The following KAZN variants were observed in gnomAD, a reference collection of about 807,000 sequenced individuals.
KAZN encodes kazrin, periplakin interacting protein.
A neutral mutation model predicts 87.4 loss-of-function variants in KAZN; 40 were observed. The ratio of observed to expected loss-of-function variants is 0.46; its 90% CI spans 0.36 to 0.60. The LOEUF (loss-of-function observed/expected upper bound fraction) is 0.60. KAZN is among the 20% of genes least tolerant of loss of function. The probability of loss-of-function intolerance (pLI) is 0.00; values close to 1 mark genes in which losing one functional copy is unlikely to be tolerated. For synonymous variants in KAZN, 466 were observed against 458.3 expected, an observed-to-expected ratio of 1.02 and a Z score of -0.22; for missense variants, 898 against 1,073.9, an observed-to-expected ratio of 0.84 and a Z score of 2.29.
intron 2 of KAZN, among the ~76,000 whole-genome samples, chr1:14,444,655 C>A (rs568203165): frequency 6.6e-6 from 1 of 152,218 alleles, no homozygotes; most frequent in African/African-American, 2.4e-5. Flanking sequence ...TCAATTCACC[C>A]CGACGTCTGG....
chr1:14,413,718 G>C (rs1438727841), intron 2 of KAZN, among the ~76,000 whole-genome samples: 1 of 148,904 alleles, frequency 6.7e-6, no homozygotes. Context: ...GTAATCTGAA[G>C]ACATTAAAAT....
rs914322682 is a variant in KAZN at position 14,134,533 on chromosome 1, C to T, written c.92-45902C>T. Reference sequence around the variant, plus strand: ...AAACTCATGCGGCCATACAGGCTGACTCCAGGGCAGGTGCTCTTGGCTATT... The same window carrying T: ...AAACTCATGCGGCCATACAGGCTGATTCCAGGGCAGGTGCTCTTGGCTATT... On this transcript the variant is annotated intron_variant, in intron 1 of 16. Coordinates refer to the KAZN transcript ENST00000636203. Among the ~76,000 whole-genome samples the T allele has an allele frequency of 2.6e-5, 4 of 152,148 alleles. 1 individual carries two copies. The highest frequency in any genetic ancestry group is 9.7e-5 in the African/African-American group (4 of 41,440).
At position 14,886,467 on chromosome 1, in the gene KAZN, G is replaced by C. The variant is rs1009465163; in HGVS notation, c.227-74217G>C. On this transcript the variant is annotated intron_variant, in intron 1 of 14. Transcript: ENST00000376030. ...ACACACACACACACACACACACAGA[G>C]AGAGACAGAGAGAGAGAGACAGAGA... is the stretch of plus-strand genomic sequence containing the variant. Among the ~76,000 whole-genome samples the C allele has an allele frequency of 8.6e-5, 13 of 151,430 alleles. 1 individual carries two copies. Among genetic ancestry groups the C allele is most frequent in the South Asian group, 8.4e-4 (4 of 4,780 alleles).
chr1:15,056,255 C>T lies in KAZN; in HGVS notation c.891C>T (p.His297=), dbSNP rs543834768. Residue 297 remains histidine (H), a synonymous_variant, in exon 5 of 15, where the codon CAC becomes CAT. Transcript: ENST00000376030. The surrounding 1 kb of genome is among the most constrained non-coding windows in gnomAD (Gnocchi z 5.4). ...RQSQQTLYHS[H]PPHPADRQAV... ...GTCAACAGACTCTCTACCACTCACACCCCCCTCACCCTGCGGACCGGCAAG... is the reference window on the plus strand; with the variant it reads ...GTCAACAGACTCTCTACCACTCACATCCCCCTCACCCTGCGGACCGGCAAG... The T allele has an allele frequency of 5.0e-6, 8 of 1,608,422 alleles. No homozygotes were observed. Among genetic ancestry groups the T allele is most frequent in the African/African-American group, 2.7e-5 (2 of 74,828 alleles).
At chr1:14,489,080 G>A (rs1669504639) in intron 2 of KAZN, among the ~76,000 whole-genome samples, 1 of 152,124 alleles carries the variant, frequency 6.6e-6, no homozygotes, top group Non-Finnish European at 1.5e-5. Flanking sequence ...CCCACACCTT[G>A]GGAGCCAAAT....
intron 1 of KAZN, among the ~76,000 whole-genome samples, chr1:14,749,552 G>A (rs1051838150): frequency 6.6e-6 from 1 of 152,198 alleles, no homozygotes; most frequent in African/African-American, 2.4e-5. Flanking sequence ...CACATCAAAA[G>A]AGAACCATGA....
At chr1:14,157,585 T>G (rs1372870801) in intron 1 of KAZN, among the ~76,000 whole-genome samples, 7 of 152,212 alleles carry the variant, frequency 4.6e-5, no homozygotes, top group Admixed American at 3.9e-4. Context: ...CACTGAAAAG[T>G]CTGCTGCCAG....
At chr1:14,767,240 C>A (rs1370637381) in intron 1 of KAZN, among the ~76,000 whole-genome samples, 1 of 152,180 alleles carries the variant, frequency 6.6e-6, no homozygotes, top group East Asian at 1.9e-4. Context: ...CTGACAATAG[C>A]AGCCTTCTTA....
intron 8 of KAZN, among the ~76,000 whole-genome samples, chr1:15,078,469 A>C (rs1268257672): frequency 6.6e-6 from 1 of 152,180 alleles, no homozygotes; most frequent in African/African-American, 2.4e-5. Context: ...ACTGCACGAC[A>C]CTGCTTTCCA....
At position 14,632,775 on chromosome 1, in the gene KAZN, C is replaced by T. The variant is rs80165326; in HGVS notation, c.226+33552C>T. 5.5e-3 allele frequency among the ~76,000 whole-genome samples: 831 copies of T among 152,204 alleles called. 14 individuals are homozygous for T. Among genetic ancestry groups the T allele is most frequent in the African/African-American group, 0.019 (786 of 41,516 alleles). On this transcript the variant is annotated intron_variant, in intron 1 of 14. Coordinates refer to ENST00000376030, the MANE Select transcript of KAZN (RefSeq NM_201628.3). ...CCGCAGGTACCCTCTGCAGCCCTAA[C>T]CTTGGCCACCTCTGTTGATGCTCTT...
intron 1 of KAZN, among the ~76,000 whole-genome samples, chr1:14,742,452 T>G (rs1278448915): frequency 6.6e-6 from 1 of 152,158 alleles, no homozygotes; most frequent in African/African-American, 2.4e-5. Context: ...CTTGTTGGAT[T>G]AACTAAGTGC....
intron 2 of KAZN, among the ~76,000 whole-genome samples, chr1:14,447,954 G>C (rs1667075444): frequency 6.6e-6 from 1 of 152,240 alleles, no homozygotes; most frequent in African/African-American, 2.4e-5. Context: ...ACCTGGAACA[G>C]AGGCAGGACC....
chr1:14,789,471 G>A (rs1027896792), intron 1 of KAZN, among the ~76,000 whole-genome samples: 1 of 152,076 alleles, frequency 6.6e-6, no homozygotes, highest in Non-Finnish European at 1.5e-5. Context: ...CTGAACCTTT[G>A]CTCCTCTGGT....
At chr1:14,899,249 A>AG (rs1655591619) in intron 1 of KAZN, among the ~76,000 whole-genome samples, 1 of 152,228 alleles carries the variant, frequency 6.6e-6, no homozygotes, top group South Asian at 2.1e-4. Flanking sequence ...ACTGAGGATG[A>AG]GGGTGCCTGG....
chr1:14,353,618 A>T (rs1658747488), intron 2 of KAZN, among the ~76,000 whole-genome samples: 1 of 152,236 alleles, frequency 6.6e-6, no homozygotes, highest in African/African-American at 2.4e-5. Context: ...AAGTTAACAT[A>T]TGAAACATAA....
intron 1 of KAZN, among the ~76,000 whole-genome samples, chr1:13,917,795 A>G (rs12063695): frequency 8.8e-6 from 1 of 113,808 alleles, no homozygotes; most frequent in African/African-American, 3.5e-5. Context: ...GACCTGTGTC[A>G]TCAAAAAAAA....
At chr1:14,448,158 C>T (rs1185479836) in intron 2 of KAZN, among the ~76,000 whole-genome samples, 2 of 152,216 alleles carry the variant, frequency 1.3e-5, no homozygotes, top group African/African-American at 4.8e-5. Flanking sequence ...GACATCTCCC[C>T]TTTCAATCTT....
rs149346361 is a variant in KAZN at position 14,375,682 on chromosome 1, C to G, written c.249+195090C>G. Among the ~76,000 whole-genome samples, 1,084 of 152,152 alleles carry G rather than the reference C, an allele frequency of 7.1e-3. 16 individuals carry two copies. The highest frequency in any genetic ancestry group is 0.024 in the African/African-American group (994 of 41,504). The stretch of plus-strand genomic sequence containing the variant: ...TGGGCGGATCACGAGGTCAGGAGAT[C>G]GAGACCATCCTGGCTAACATGGTGA... On this transcript the variant is annotated intron_variant, in intron 2 of 16. Transcript: ENST00000636203.
chr1:14,004,026 A>C (rs1220038437), intron 1 of KAZN, among the ~76,000 whole-genome samples: 1 of 152,236 alleles, frequency 6.6e-6, no homozygotes, highest in Non-Finnish European at 1.5e-5. Context: ...AATCAATAAT[A>C]AGAAAGCAGG....
Sources: allele counts gnomAD v4.1 joint callset (sites outside exome capture counted in the v4.1 genomes callset), GRCh38; gene constraint gnomAD v4.1.1; non-coding constraint Gnocchi (gnomAD v3.1); transcripts MANE v1.5; gene names NCBI Gene and HGNC (gene_info 2026-07-23, HGNC 2026-07-21).